The following PCDHA2 variants were observed in gnomAD, a reference collection of about 807,000 sequenced individuals.
PCDHA2 encodes protocadherin alpha-2.
Under a neutral mutation model 66.0 loss-of-function variants are expected in PCDHA2, and 58 were observed. That is an observed-to-expected ratio of 0.88 (90% confidence interval 0.71 to 1.09). The LOEUF (loss-of-function observed/expected upper bound fraction) is 1.09, where lower values mean the gene tolerates loss of function less well. PCDHA2 is among the 50% of genes least tolerant of loss of function. The probability of loss-of-function intolerance (pLI) is 0.00; values close to 1 mark genes in which losing one functional copy is unlikely to be tolerated. For synonymous variants in PCDHA2, 634 were observed against 554.0 expected (o/e 1.14, Z -2.03); for missense variants, 1,267 against 1,242.3 (o/e 1.02, Z -0.30).
At chr5:140,965,061 G>A (rs76085486) in intron 1 of PCDHA2, among the ~76,000 whole-genome samples, 2,501 of 152,286 alleles carry the variant, frequency 0.016, 68 homozygotes, top group African/African-American at 0.056. Context: ...CATGCCAAAT[G>A]TCAGGTCTCA....
intron 1 of PCDHA2, among the ~76,000 whole-genome samples, chr5:140,906,526 CAATT>C (rs1554192570): frequency 6.6e-6 from 1 of 152,190 alleles, no homozygotes; most frequent in Non-Finnish European, 1.5e-5. Context: ...ATACTCACGA[CAATT>C]AAAATCCTCA....
chr5:140,857,553 C>T, intron 1 of PCDHA2: 1 of 1,597,008 alleles, frequency 6.3e-7, no homozygotes, highest in Non-Finnish European at 8.6e-7. Flanking sequence ...GGCGAGCGCT[C>T]GCTGTCGAGC....
intron 1 of PCDHA2, chr5:140,853,930 A>G: frequency 1.1e-6 from 1 of 887,870 alleles, no homozygotes; most frequent in Non-Finnish European, 1.4e-6. Flanking sequence ...ACATTTTGGG[A>G]GGCCAAGGTG....
chr5:140,809,115 C>T (rs17844284), intron 1 of PCDHA2: 1 of 1,613,980 alleles, frequency 6.2e-7, no homozygotes, highest in South Asian at 1.1e-5. Flanking sequence ...ACGGACGCTC[C>T]GCGCCACCGC....
intron 1 of PCDHA2, chr5:140,852,486 C>A: frequency 4.8e-6 from 1 of 209,724 alleles, no homozygotes; most frequent in Non-Finnish European, 9.1e-6. Flanking sequence ...TCATGTTGGC[C>A]AGGTTGGTCT....
At chr5:141,009,179 G>C (rs1343163889) in intron 3 of PCDHA2, among the ~76,000 whole-genome samples, 2 of 152,212 alleles carry the variant, frequency 1.3e-5, no homozygotes, top group Non-Finnish European at 2.9e-5. Flanking sequence ...CCTTGGCTGG[G>C]TGTGGTAGCT....
chr5:140,965,814 T>C (rs1423732818), intron 1 of PCDHA2, among the ~76,000 whole-genome samples: 1 of 152,224 alleles, frequency 6.6e-6, no homozygotes, highest in Non-Finnish European at 1.5e-5. Flanking sequence ...AAACAGAGCA[T>C]TTTAAACATT....
intron 1 of PCDHA2, chr5:140,968,417 G>T (rs1459159857): frequency 3.7e-6 from 6 of 1,614,036 alleles, no homozygotes; most frequent in Non-Finnish European, 5.1e-6. Flanking sequence ...GACTGTGGAG[G>T]CTCAGGACAA....
At chr5:140,990,227 A>G (rs1424384055) in intron 3 of PCDHA2, among the ~76,000 whole-genome samples, 1 of 152,134 alleles carries the variant, frequency 6.6e-6, no homozygotes, top group Non-Finnish European at 1.5e-5. Flanking sequence ...GTTTATTGTA[A>G]CTAGCGTTGT....
chr5:140,855,687 GA>G (rs1455055346), intron 1 of PCDHA2, among the ~76,000 whole-genome samples: 4 of 149,608 alleles, frequency 2.7e-5, no homozygotes, highest in Admixed American at 2.0e-4. Context: ...CTACATTTAA[GA>G]AAACATTGCA....
At chr5:140,987,949 A>G (rs1251112253) in intron 3 of PCDHA2, among the ~76,000 whole-genome samples, 1 of 152,162 alleles carries the variant, frequency 6.6e-6, no homozygotes, top group Non-Finnish European at 1.5e-5. Context: ...CTGTCTGACA[A>G]AACCAACTCC....
intron 3 of PCDHA2, among the ~76,000 whole-genome samples, chr5:141,008,970 G>A (rs147776833): frequency 6.6e-6 from 1 of 152,236 alleles, no homozygotes; most frequent in East Asian, 1.9e-4. Flanking sequence ...TACATTTATA[G>A]CCAAAGTTTA....
chr5:140,795,372 A>C lies in PCDHA2; in HGVS notation c.408A>C (p.Thr136=), dbSNP rs1369948884. Residue 136 remains threonine, a synonymous_variant, in exon 1 of 4, where the codon ACA becomes ACC. Coordinates refer to ENST00000526136, the MANE Select transcript of PCDHA2 (RefSeq NM_018905.3). ...ACAACCCGCCAATATTTCCAATGAC[A>C]GTAAAGACTATCCGGTTTCCCGAAT... is the stretch of plus-strand genomic sequence containing the variant. ...INDNPPIFPM[T]VKTIRFPESR... 6.2e-7 allele frequency: 1 copy of C among 1,614,180 alleles called. No individual in the cohort carries two copies. The highest frequency in any genetic ancestry group is 8.5e-7 in the Non-Finnish European group (1 of 1,180,042).
Position 140,968,523 on chromosome 5 carries a change from A to T in PCDHA2, c.2389-10426A>T, listed in dbSNP as rs1441549667. ...CACATTCTGTACCCTACCTCAACCA[A>T]CTCGTCAGCAGCCTTCGAGATGGTG... On this transcript the variant is annotated intron_variant, in intron 1 of 3. Coordinates refer to ENST00000526136, the MANE Select transcript of PCDHA2 (RefSeq NM_018905.3). The T allele has an allele frequency of 1.3e-5, 21 of 1,613,762 alleles. No individual in the cohort carries two copies. Among genetic ancestry groups the T allele is most frequent in the Non-Finnish European group, 1.8e-5 (21 of 1,179,980 alleles).
intron 1 of PCDHA2, chr5:140,807,450 C>T: frequency 1.2e-6 from 2 of 1,606,840 alleles, no homozygotes; most frequent in Non-Finnish European, 1.7e-6. Context: ...TTTGTGAATT[C>T]TCGGATCGAC....
In PCDHA2 at chr5:140,936,310, T is replaced by C. The variant is rs541948860; in HGVS notation, c.2389-42639T>C. 5.3e-5 allele frequency among the ~76,000 whole-genome samples: 8 copies of C among 152,318 alleles called. No individual in the cohort carries two copies. The South Asian group carries it at 1.4e-3, about 28-fold the overall frequency. ...TATAACATTGCTATCCAATAGAACT[T>C]TCTGACATGCTATAAATTTTCTCTA... On this transcript the variant is annotated intron_variant, in intron 1 of 3. Transcript: ENST00000526136.
intron 1 of PCDHA2, chr5:140,883,466 A>T: frequency 6.2e-7 from 1 of 1,614,128 alleles, no homozygotes; most frequent in Non-Finnish European, 8.5e-7. Flanking sequence ...GCTGGTGTCC[A>T]CCTACAAGAA....
At chr5:140,836,108 C>T (rs2150253026) in intron 1 of PCDHA2, 50 of 1,613,524 alleles carry the variant, frequency 3.1e-5, no homozygotes, top group Non-Finnish European at 4.0e-5. Flanking sequence ...GCACTGGTGG[C>T]GCAGTGAGAG....
chr5:140,828,141 C>G lies in PCDHA2; in HGVS notation c.2388+30789C>G, dbSNP rs2150151318. 1.2e-6 allele frequency: 2 copies of G among 1,613,956 alleles called. No homozygotes were observed. The highest frequency in any genetic ancestry group is 1.1e-5 in the South Asian group (1 of 91,042). On this transcript the variant is annotated intron_variant, in intron 1 of 3. Transcript: ENST00000526136. The stretch of plus-strand genomic sequence containing the variant: ...TTGGGAAAGCAATGTCTGCTCCTCC[C>G]GCTTCTGCTCCTCGCAGCCTGGAAG...
Sources: gnomAD v4.1 joint callset for allele counts (sites outside exome capture counted in the v4.1 genomes callset) on GRCh38, gnomAD v4.1.1 for gene constraint, MANE v1.5 for transcripts, NCBI Gene and HGNC (gene_info 2026-07-23, HGNC 2026-07-21) for gene names.